The following PTPRG variants were observed in gnomAD, a reference collection of about 807,000 sequenced individuals.
PTPRG encodes the protein protein tyrosine phosphatase receptor type G.
PTPRG carries 102 observed loss-of-function variants against 165.3 expected under a neutral mutation model. The observed-to-expected ratio is 0.62, with a 90% CI of 0.53 to 0.73. PTPRG has a LOEUF of 0.73. Ranked by LOEUF, PTPRG falls within the 30% of genes least tolerant of loss-of-function variation. PTPRG has a pLI of 0.00. For missense variants in PTPRG, 1,866 were observed against 1,861.4 expected, an observed-to-expected ratio of 1.00 and a Z score of -0.05; for synonymous variants, 675 against 669.5, an observed-to-expected ratio of 1.01 and a Z score of -0.13.
At chr3:62,016,048 TAGAGA>T (rs1386589294) in intron 4 of PTPRG, among the ~76,000 whole-genome samples, 1 of 151,580 alleles carries the variant, frequency 6.6e-6, no homozygotes, top group African/African-American at 2.4e-5. Flanking sequence ...GAATGTAACA[TAGAGA>T]AGTGATCATT....
At chr3:62,227,852 A>T (rs1218781300) in intron 13 of PTPRG, among the ~76,000 whole-genome samples, 1 of 152,352 alleles carries the variant, frequency 6.6e-6, no homozygotes, top group African/African-American at 2.4e-5. Flanking sequence ...ATGTTTTTTT[A>T]AAATCTTGAA....
intron 1 of PTPRG, among the ~76,000 whole-genome samples, chr3:61,710,268 G>T (rs112459264): frequency 5.3e-5 from 8 of 152,274 alleles, no homozygotes; most frequent in African/African-American, 1.9e-4. Context: ...AATGTGGTTA[G>T]ATCTATATTT....
chr3:61,909,761 C>T (rs1024864276), intron 2 of PTPRG, among the ~76,000 whole-genome samples: 1 of 152,110 alleles, frequency 6.6e-6, no homozygotes, highest in Non-Finnish European at 1.5e-5. Context: ...ATAAAAACTA[C>T]AATACATGAG....
Position 62,191,179 on chromosome 3 carries a change from C to G in PTPRG, c.1034-290C>G, listed in dbSNP as rs560457687. Among the ~76,000 whole-genome samples the G allele has an allele frequency of 3.4e-5, 5 of 149,176 alleles. No individual in the cohort carries two copies. In the South Asian group the frequency reaches 1.1e-3, roughly 32 times the overall value. Reference sequence around the variant, plus strand: ...GTGTGTGCGCATGTGCCTCTGTGCCCCGTGCACATATGTGTATGTGCATTT... The same window carrying G: ...GTGTGTGCGCATGTGCCTCTGTGCCGCGTGCACATATGTGTATGTGCATTT... On this transcript the variant is annotated intron_variant, in intron 8 of 29. Transcript: ENST00000474889.
chr3:61,608,416 A>C (rs1701073046), intron 1 of PTPRG, among the ~76,000 whole-genome samples: 1 of 152,080 alleles, frequency 6.6e-6, no homozygotes, highest in African/African-American at 2.4e-5. Context: ...AATTGGGAGG[A>C]TGTGTGTGCT....
chr3:62,239,360 C>CTTTTTTTTTT (rs776921598), intron 14 of PTPRG, among the ~76,000 whole-genome samples: 18 of 124,538 alleles, frequency 1.4e-4, no homozygotes, highest in South Asian at 2.6e-4. Context: ...TTTTTTCTTT[C>CTTTTTTTTTT]TTTTTTTTTT....
chr3:61,953,763 A>G, intron 2 of PTPRG, among the ~76,000 whole-genome samples: 1 of 152,198 alleles, frequency 6.6e-6, no homozygotes, highest in Middle Eastern at 3.2e-3. Context: ...ACACTCTGTG[A>G]GGGCCAGGGG....
intron 2 of PTPRG, among the ~76,000 whole-genome samples, chr3:61,863,332 G>C (rs1408924836): frequency 6.6e-6 from 1 of 152,148 alleles, no homozygotes; most frequent in African/African-American, 2.4e-5. Context: ...GCATTTAGGT[G>C]GTGGGTAGGT....
At chr3:62,116,078 T>A (rs551472431) in intron 5 of PTPRG, among the ~76,000 whole-genome samples, 3 of 152,166 alleles carry the variant, frequency 2.0e-5, no homozygotes, top group African/African-American at 7.2e-5. Flanking sequence ...GTTGTCAGAG[T>A]TTGGGGAATT....
chr3:61,949,501 C>T (rs1238466641), intron 2 of PTPRG, among the ~76,000 whole-genome samples: 1 of 152,086 alleles, frequency 6.6e-6, no homozygotes, highest in Non-Finnish European at 1.5e-5. Flanking sequence ...TTACTATGTG[C>T]CACATGCCTC....
intron 2 of PTPRG, among the ~76,000 whole-genome samples, chr3:61,967,346 C>T (rs1297092682): frequency 6.6e-6 from 1 of 152,064 alleles, no homozygotes; most frequent in African/African-American, 2.4e-5. Flanking sequence ...TGTTAAAAAC[C>T]TCCATTAGAA....
chr3:62,048,241 A>G (rs1413187386), intron 4 of PTPRG, among the ~76,000 whole-genome samples: 1 of 152,206 alleles, frequency 6.6e-6, no homozygotes, highest in African/African-American at 2.4e-5. Flanking sequence ...CTAGAATTAG[A>G]GAAAATATAT....
intron 2 of PTPRG, among the ~76,000 whole-genome samples, chr3:61,965,868 C>T (rs999246380): frequency 6.6e-6 from 1 of 152,212 alleles, no homozygotes; most frequent in African/African-American, 2.4e-5. Context: ...ATTCTGTGGT[C>T]TGGTTCTAGG....
chr3:61,929,500 G>A (rs1176669735), intron 2 of PTPRG, among the ~76,000 whole-genome samples: 2 of 152,152 alleles, frequency 1.3e-5, no homozygotes, highest in African/African-American at 2.4e-5. Context: ...AGTTCTATAT[G>A]CTTTTCATAA....
chr3:61,803,668 A>G (rs2035326042), intron 2 of PTPRG, among the ~76,000 whole-genome samples: 1 of 152,242 alleles, frequency 6.6e-6, no homozygotes. Context: ...ACAATAAAAC[A>G]ATGTTGAAAT....
intron 13 of PTPRG, 127 bp from the exon 14 acceptor site, chr3:62,231,098 A>T (rs889527259): frequency 1.6e-6 from 1 of 609,544 alleles, no homozygotes; most frequent in African/African-American, 1.9e-5. Context: ...AAAATGTCAC[A>T]GATGAGGCCT....
In PTPRG at chr3:62,203,671, A is replaced by G. The variant is rs1305025457; in HGVS notation, c.1876A>G (p.Thr626Ala). ...GCGGAATCAGACGGAGCCCAGCCCC[A>G]CACCCTCGTCTCCTAACAGGACTGC... ...EERNQTEPSP[T>A]PSSPNRTAEG... is the part of the protein sequence containing the mutation. Residue 626 changes from threonine to alanine, a missense_variant, in exon 12 of 30, where the codon ACA becomes GCA. By Grantham distance (58) the Thr-to-Ala change is moderately conservative (BLOSUM62 0). Coordinates refer to ENST00000474889, the MANE Select transcript of PTPRG (RefSeq NM_002841.4). The surrounding 1 kb of genome is among the most constrained non-coding windows in gnomAD (Gnocchi z 6.4). The G allele has an allele frequency of 1.9e-6, 3 of 1,565,508 alleles. No homozygotes were observed. The highest frequency in any genetic ancestry group is 2.6e-6 in the Non-Finnish European group (3 of 1,154,490).
At chr3:61,931,658 T>C (rs1401387883) in intron 2 of PTPRG, among the ~76,000 whole-genome samples, 1 of 152,204 alleles carries the variant, frequency 6.6e-6, no homozygotes, top group Non-Finnish European at 1.5e-5. Context: ...TGATCTAACA[T>C]GATCAAACGC....
At position 62,140,851 on chromosome 3, in the gene PTPRG, CAAAAAA is replaced by C. The variant is rs58630476; in HGVS notation, c.682+8201_682+8206del. On this transcript the variant is annotated intron_variant, in intron 6 of 29. Coordinates refer to ENST00000474889, the MANE Select transcript of PTPRG (RefSeq NM_002841.4). ...GACAGAGTGAGATGAGACTCGGTCT[CAAAAAA>C]AAAAAAAAAAAAAAAAAGAGTGGGG... 7.1e-3 allele frequency among the ~76,000 whole-genome samples: 509 copies of C among 71,198 alleles called. 3 individuals carry two copies. The highest frequency in any genetic ancestry group is 0.026 in the African/African-American group (493 of 18,766). The allele number at this position is 71,198 out of a possible 152,430, so 46.7% of individuals were successfully genotyped here.
Sources: allele counts gnomAD v4.1 joint callset (sites outside exome capture counted in the v4.1 genomes callset), GRCh38; gene constraint gnomAD v4.1.1; non-coding constraint Gnocchi (gnomAD v3.1); transcripts MANE v1.5; gene names NCBI Gene and HGNC (gene_info 2026-07-23, HGNC 2026-07-21).